Variants in EPS8 observed in about 807,000 individuals in gnomAD.
The protein encoded by EPS8 is EGFR pathway substrate 8, signaling adaptor, also known as epidermal growth factor receptor kinase substrate 8.
In EPS8, 42 loss-of-function variants were observed where a neutral mutation model predicts 103.8. The observed-to-expected ratio is 0.40, with a 90% CI of 0.32 to 0.52. The LOEUF is 0.52. Among genes scored for constraint, EPS8 ranks in the 20% least tolerant of loss-of-function variants. The pLI, the probability that EPS8 is intolerant of heterozygous loss-of-function variation, is 0.40. For synonymous variants in EPS8, 344 were observed against 344.6 expected, an observed-to-expected ratio of 1.00 and a Z score of 0.02; for missense variants, 969 against 1,005.1, an observed-to-expected ratio of 0.96 and a Z score of 0.49.
intron 10 of EPS8, 84 bp from the exon 11 acceptor site, chr12:15,658,669 T>C (rs1945550715): frequency 1.1e-6 from 1 of 911,126 alleles, no homozygotes; most frequent in South Asian, 1.4e-5. Flanking sequence ...CATTTATGTC[T>C]GTAAAGTTTG....
chr12:15,719,828 G>A (rs921309837), intron 1 of EPS8, among the ~76,000 whole-genome samples: 1 of 152,252 alleles, frequency 6.6e-6, no homozygotes, highest in East Asian at 1.9e-4. Flanking sequence ...CCTCTTAATT[G>A]TAATTCTAAA....
chr12:15,692,521 G>C (rs145829070), intron 1 of EPS8, among the ~76,000 whole-genome samples: 2 of 151,740 alleles, frequency 1.3e-5, no homozygotes, highest in East Asian at 3.9e-4. Context: ...CATTAGTATG[G>C]GTGTTTTTTG....
At position 15,747,391 on chromosome 12, in the gene EPS8, C is replaced by T. The variant is rs1450918212; in HGVS notation, c.-22+41770G>A. On this transcript the variant is annotated intron_variant, in intron 1 of 20. Coordinates refer to ENST00000281172, the MANE Select transcript of EPS8 (RefSeq NM_004447.6). The surrounding 1 kb of genome is among the most constrained non-coding windows in gnomAD (Gnocchi z 4.4). ...ATCTTAGTACATTAACAAACTTACT[C>T]CATTTCCTAGAAACCCAATCTGTTT... Among the ~76,000 whole-genome samples, 1 of 152,106 alleles carries T rather than the reference C, an allele frequency of 6.6e-6. No individual in the cohort carries two copies. Among genetic ancestry groups the T allele is most frequent in the Non-Finnish European group, 1.5e-5 (1 of 68,032 alleles).
intron 18 of EPS8, among the ~76,000 whole-genome samples, chr12:15,628,893 C>G (rs1944994995): frequency 6.6e-6 from 1 of 152,142 alleles, no homozygotes; most frequent in African/African-American, 2.4e-5. Context: ...GTGCTACTGT[C>G]TGGTTCTAAA....
At position 15,745,475 on chromosome 12, in the gene EPS8, T is replaced by C. The variant is rs1306219614; in HGVS notation, c.-22+43686A>G. Reference sequence around the variant, plus strand: ...CCACTACTAAATTATAAAGTCAGCATAGAAATGGAAACCAGGTATTATCCC... The same window carrying C: ...CCACTACTAAATTATAAAGTCAGCACAGAAATGGAAACCAGGTATTATCCC... On this transcript the variant is annotated intron_variant, in intron 1 of 20. Coordinates refer to ENST00000281172, the MANE Select transcript of EPS8 (RefSeq NM_004447.6). The surrounding 1 kb of genome is among the most constrained non-coding windows in gnomAD (Gnocchi z 4.6). Among the ~76,000 whole-genome samples, 2 of 149,872 alleles carry C rather than the reference T, an allele frequency of 1.3e-5. No homozygotes were observed. The highest frequency in any genetic ancestry group is 2.9e-5 in the Non-Finnish European group (2 of 67,854).
At chr12:15,786,208 T>C (rs1947309395) in intron 1 of EPS8, among the ~76,000 whole-genome samples, 2 of 152,088 alleles carry the variant, frequency 1.3e-5, no homozygotes, top group African/African-American at 2.4e-5. Context: ...ATCATACTGA[T>C]AGTATATACC....
chr12:15,660,880 G>A (rs1945594016), intron 9 of EPS8, 140 bp from the exon 10 acceptor site: 1 of 567,832 alleles, frequency 1.8e-6, no homozygotes, highest in East Asian at 3.0e-5. Flanking sequence ...CTAATTACAA[G>A]AATCAAACTA....
Position 15,700,157 on chromosome 12 carries a change from AAAC to A in EPS8, c.-21-17188_-21-17186del, listed in dbSNP as rs768328354. ...GGGACAGAATGAGACTCCATCTCAA[AAAC>A]AACAACAACAAAAAAAGAAACTCTT... On this transcript the variant is annotated intron_variant, in intron 1 of 20. Transcript: ENST00000281172. This position sits in a 1 kb window ranked among gnomAD's most constrained non-coding sequence, Gnocchi z 5.1. 2.6e-5 allele frequency among the ~76,000 whole-genome samples: 4 copies of A among 152,202 alleles called. No homozygotes were observed. The highest frequency in any genetic ancestry group is 3.8e-4 in the East Asian group (2 of 5,198).
In EPS8 at chr12:15,688,278, A is replaced by G. The variant is rs1461958550; in HGVS notation, c.-21-5306T>C. Among the ~76,000 whole-genome samples, 1 of 152,168 alleles carries G rather than the reference A, an allele frequency of 6.6e-6. No individual in the cohort carries two copies. Among genetic ancestry groups the G allele is most frequent in the Non-Finnish European group, 1.5e-5 (1 of 68,022 alleles). ...TTTTATGGGTGAGATGACAGCCTCA[A>G]GGCGGTTAAGTCATTTGCCTAAGTG... On this transcript the variant is annotated intron_variant, in intron 1 of 20. Coordinates refer to ENST00000281172, the MANE Select transcript of EPS8 (RefSeq NM_004447.6). The surrounding 1 kb of genome is among the most constrained non-coding windows in gnomAD (Gnocchi z 5.1).
At position 15,697,855 on chromosome 12, in the gene EPS8, T is replaced by C. The variant is rs1257950586; in HGVS notation, c.-21-14883A>G. On this transcript the variant is annotated intron_variant, in intron 1 of 20. Transcript: ENST00000281172. The surrounding 1 kb of genome is among the most constrained non-coding windows in gnomAD (Gnocchi z 5.6). The stretch of plus-strand genomic sequence containing the variant: ...TCAGGATTATTAGAAATAGGATCAA[T>C]ATAAAGGCCAAGATAGTACCAGAAT... 6.6e-6 allele frequency among the ~76,000 whole-genome samples: 1 copy of C among 152,110 alleles called. No homozygotes were observed. Among genetic ancestry groups the C allele is most frequent in the Non-Finnish European group, 1.5e-5 (1 of 68,016 alleles).
intron 15 of EPS8, among the ~76,000 whole-genome samples, chr12:15,642,681 T>C (rs1377959582): frequency 2.6e-5 from 4 of 152,194 alleles, no homozygotes; most frequent in Non-Finnish European, 5.9e-5. Flanking sequence ...CATTCCCACA[T>C]TTATTTACAC....
chr12:15,744,505 T>C (rs1946856257), intron 1 of EPS8, among the ~76,000 whole-genome samples: 1 of 152,246 alleles, frequency 6.6e-6, no homozygotes, highest in African/African-American at 2.4e-5. Flanking sequence ...AAAGCACCAT[T>C]GAGAAGGATT....
In EPS8 at chr12:15,670,877, A is replaced by G. The variant is rs756355780; in HGVS notation, c.183T>C (p.Asp61=). ...YARDSVSSVS[D]ISQYRVEHLT... ...TTACTTCAACACGGTATTGAGATAT[A>G]TCTGACACACTGCTGACACTGTCCC... Residue 61 remains aspartate (D), a synonymous_variant, in exon 4 of 21, where the codon GAT becomes GAC. Transcript: ENST00000281172. 6.2e-7 allele frequency: 1 copy of G among 1,611,952 alleles called. No homozygotes were observed. The highest frequency in any genetic ancestry group is 1.1e-5 in the South Asian group (1 of 90,892).
intron 1 of EPS8, among the ~76,000 whole-genome samples, chr12:15,763,845 T>C (rs1947066326): frequency 6.6e-6 from 1 of 152,220 alleles, no homozygotes; most frequent in Non-Finnish European, 1.5e-5. Flanking sequence ...CCCCTATTTA[T>C]GTCCCCATAC....
At position 15,781,435 on chromosome 12, in the gene EPS8, C is replaced by CT. The variant is rs1947259826; in HGVS notation, c.-22+7725dup. Among the ~76,000 whole-genome samples, 1 of 152,200 alleles carries CT rather than the reference C, an allele frequency of 6.6e-6. No homozygotes were observed. The highest frequency in any genetic ancestry group is 2.1e-4 in the South Asian group (1 of 4,826). ...GTTCTCATCCCAATTCGGTCCCTTTCTCCCCATGTGTGACACAAGTCACTT... is the reference window on the plus strand; with the variant it reads ...GTTCTCATCCCAATTCGGTCCCTTTCTTCCCCATGTGTGACACAAGTCACTT... On this transcript the variant is annotated intron_variant, in intron 1 of 20. Transcript: ENST00000281172. This position sits in a 1 kb window ranked among gnomAD's most constrained non-coding sequence, Gnocchi z 4.1.
rs1259975937 is a variant in EPS8, at chr12:15,734,939, C to G, written c.-21-51967G>C. Reference sequence around the variant, plus strand: ...CATTTCCATTTTAAAAATAAGCAAACTGACACAAAGATGTCAAGGAACTAG... The same window carrying G: ...CATTTCCATTTTAAAAATAAGCAAAGTGACACAAAGATGTCAAGGAACTAG... On this transcript the variant is annotated intron_variant, in intron 1 of 20. Transcript: ENST00000281172. The surrounding 1 kb of genome is among the most constrained non-coding windows in gnomAD (Gnocchi z 4.1). Among the ~76,000 whole-genome samples, 1 of 152,104 alleles carries G rather than the reference C, an allele frequency of 6.6e-6. No individual in the cohort carries two copies. Among genetic ancestry groups the G allele is most frequent in the East Asian group, 1.9e-4 (1 of 5,194 alleles).
Position 15,716,464 on chromosome 12 carries a change from T to C in EPS8, c.-21-33492A>G, listed in dbSNP as rs1005653827. ...TTCATATCCATACACAGGATATCAA[T>C]GATAGTGGAACAATTCTAAGCAAAG... On this transcript the variant is annotated intron_variant, in intron 1 of 20. Coordinates refer to ENST00000281172, the MANE Select transcript of EPS8 (RefSeq NM_004447.6). This position sits in a 1 kb window ranked among gnomAD's most constrained non-coding sequence, Gnocchi z 5.0. 1.3e-5 allele frequency among the ~76,000 whole-genome samples: 2 copies of C among 152,198 alleles called. No homozygotes were observed. The highest frequency in any genetic ancestry group is 2.9e-5 in the Non-Finnish European group (2 of 68,028).
At position 15,698,851 on chromosome 12, in the gene EPS8, T is replaced by G. The variant is rs559807533; in HGVS notation, c.-21-15879A>C. Among the ~76,000 whole-genome samples, 10 of 152,188 alleles carry G rather than the reference T, an allele frequency of 6.6e-5. No individual in the cohort carries two copies. The highest frequency in any genetic ancestry group is 1.9e-4 in the African/African-American group (8 of 41,454). On this transcript the variant is annotated intron_variant, in intron 1 of 20. Transcript: ENST00000281172. This position sits in a 1 kb window ranked among gnomAD's most constrained non-coding sequence, Gnocchi z 4.9. Reference sequence around the variant, plus strand: ...GAGCCACATGACTGCTTCCCCATTATGAAGGAAATAGAATAAAACAATGTA... The same window carrying G: ...GAGCCACATGACTGCTTCCCCATTAGGAAGGAAATAGAATAAAACAATGTA...
intron 1 of EPS8, among the ~76,000 whole-genome samples, chr12:15,712,055 T>C (rs541946853): frequency 5.9e-5 from 9 of 152,284 alleles, no homozygotes; most frequent in Admixed American, 1.3e-4. Flanking sequence ...AGATTAAATG[T>C]AATAAATCAA....
Sources: gnomAD v4.1 joint callset for allele counts (sites outside exome capture counted in the v4.1 genomes callset) on GRCh38, gnomAD v4.1.1 for gene constraint, Gnocchi (gnomAD v3.1) non-coding constraint, MANE v1.5 for transcripts, NCBI Gene and HGNC (gene_info 2026-07-23, HGNC 2026-07-21) for gene names.